LIPA: variants seen among roughly 807,000 people sequenced by gnomAD.
LIPA encodes lysosomal acid lipase/cholesteryl ester hydrolase.
Under a neutral mutation model 40.6 loss-of-function variants are expected in LIPA, and 26 were observed. That is an observed-to-expected ratio of 0.64 (90% CI 0.47 to 0.89). LIPA has a LOEUF of 0.89. Ranked by LOEUF, LIPA falls within the 40% of genes least tolerant of loss-of-function variation. LIPA has a pLI of 0.00. For missense variants in LIPA, 455 were observed against 479.6 expected, an observed-to-expected ratio of 0.95 and a Z score of 0.48; for synonymous variants, 188 against 168.4, an observed-to-expected ratio of 1.12 and a Z score of -0.90.
chr10:89,393,302 A>G, intron 2 of LIPA: 1 of 1,288,776 alleles, frequency 7.8e-7, no homozygotes, highest in Non-Finnish European at 1.0e-6. Flanking sequence ...TGAGCTTAAG[A>G]TAAACAGATT....
At chr10:89,242,582 T>G (rs1271795670) in intron 3 of LIPA, among the ~76,000 whole-genome samples, 3 of 152,204 alleles carry the variant, frequency 2.0e-5, no homozygotes, top group Non-Finnish European at 4.4e-5. Context: ...CAAGTGAGGC[T>G]ACACAGTCAG....
At chr10:89,285,815 C>G (rs1379626086) in intron 1 of LIPA, among the ~76,000 whole-genome samples, 3 of 151,878 alleles carry the variant, frequency 2.0e-5, no homozygotes, top group African/African-American at 7.3e-5. Context: ...AAACACCCCA[C>G]CCCTTCCCCA....
intron 8 of LIPA, among the ~76,000 whole-genome samples, chr10:89,220,492 CA>C (rs1250057261): frequency 3.9e-5 from 6 of 152,080 alleles, no homozygotes; most frequent in African/African-American, 1.4e-4. Context: ...AGACCTGAAC[CA>C]AGAACGAAAA....
intron 2 of LIPA, among the ~76,000 whole-genome samples, chr10:89,388,957 A>G (rs575442375): frequency 6.6e-6 from 1 of 152,320 alleles, no homozygotes. Flanking sequence ...TGCAACGAAG[A>G]ATTTCTGGAG....
chr10:89,392,983 A>G, intron 2 of LIPA: 1 of 700,198 alleles, frequency 1.4e-6, no homozygotes, highest in Non-Finnish European at 2.2e-6. Flanking sequence ...GAAATGGGAA[A>G]AGAGTTTTGC....
intron 3 of LIPA, among the ~76,000 whole-genome samples, chr10:89,230,388 C>T (rs1202606771): frequency 6.6e-6 from 1 of 152,148 alleles, no homozygotes; most frequent in South Asian, 2.1e-4. Context: ...CTCACAGCAA[C>T]CTCCACCTTC....
At chr10:89,227,337 T>C (rs1377988094) in intron 4 of LIPA, among the ~76,000 whole-genome samples, 5 of 152,260 alleles carry the variant, frequency 3.3e-5, no homozygotes, top group Non-Finnish European at 7.3e-5. Flanking sequence ...TGTTCATTCT[T>C]ATTCTACTAT....
intron 1 of LIPA, among the ~76,000 whole-genome samples, chr10:89,324,549 T>C (rs1203951285): frequency 7.2e-5 from 11 of 152,078 alleles, no homozygotes; most frequent in Non-Finnish European, 1.5e-4. Context: ...GAGCTTCTGA[T>C]AGCAAAAGAA....
At chr10:89,222,873 A>G (rs2133425512) in intron 7 of LIPA, among the ~76,000 whole-genome samples, 1 of 152,290 alleles carries the variant, frequency 6.6e-6, no homozygotes, top group South Asian at 2.1e-4. Flanking sequence ...GAATTTCCCA[A>G]ATTTCATATA....
At chr10:89,352,191 G>T (rs756717889) in intron 2 of LIPA, among the ~76,000 whole-genome samples, 2 of 152,068 alleles carry the variant, frequency 1.3e-5, no homozygotes, top group African/African-American at 2.4e-5. Context: ...CTCCCTCTTT[G>T]CAGTTTCAAT....
intron 2 of LIPA, among the ~76,000 whole-genome samples, chr10:89,365,456 T>C (rs1038967029): frequency 2.6e-5 from 4 of 152,198 alleles, no homozygotes; most frequent in Non-Finnish European, 4.4e-5. Flanking sequence ...TTAGTTTAAT[T>C]AGATCCCATT....
chr10:89,222,888 T>C (rs775508539), intron 7 of LIPA, among the ~76,000 whole-genome samples: 40 of 152,164 alleles, frequency 2.6e-4, no homozygotes, highest in Non-Finnish European at 4.4e-4. Flanking sequence ...CATATAACAA[T>C]CACACCTTGC....
chr10:89,304,925 G>A (rs931456857), intron 1 of LIPA, among the ~76,000 whole-genome samples: 4 of 151,960 alleles, frequency 2.6e-5, no homozygotes, highest in Non-Finnish European at 5.9e-5. Context: ...GGCCTTGTGA[G>A]CCTTCCCTGT....
At chr10:89,368,896 C>T (rs974797254) in intron 2 of LIPA, among the ~76,000 whole-genome samples, 2 of 144,248 alleles carry the variant, frequency 1.4e-5, no homozygotes, top group Non-Finnish European at 3.0e-5. Context: ...CACACACAAA[C>T]TCACACACTC....
chr10:89,221,668 C>T (rs1187527390), intron 8 of LIPA, among the ~76,000 whole-genome samples: 2 of 152,082 alleles, frequency 1.3e-5, no homozygotes, highest in Non-Finnish European at 2.9e-5. Context: ...AAATAAATGG[C>T]ACAAAATTAT....
chr10:89,250,696 G>A (rs1167519901), intron 1 of LIPA, among the ~76,000 whole-genome samples: 1 of 152,168 alleles, frequency 6.6e-6, no homozygotes, highest in Non-Finnish European at 1.5e-5. Context: ...CCCAGAGGAA[G>A]GTCCATGAGA....
chr10:89,228,504 C>T, intron 3 of LIPA, 106 bp from the exon 4 acceptor site: 2 of 968,574 alleles, frequency 2.1e-6, no homozygotes, highest in Admixed American at 3.7e-5. Context: ...AAATAATGAA[C>T]TAGAAATAAA....
At chr10:89,292,162 T>A (rs984441220) in intron 1 of LIPA, 3 of 152,216 alleles carry the variant, frequency 2.0e-5, no homozygotes, top group Admixed American at 6.5e-5. Flanking sequence ...AGCGGCTAGG[T>A]GTATACTAAT....
At chr10:89,319,596 T>C (rs1843560183) in intron 1 of LIPA, among the ~76,000 whole-genome samples, 1 of 152,088 alleles carries the variant, frequency 6.6e-6, no homozygotes, top group African/African-American at 2.4e-5. Flanking sequence ...AAAAAGTCCA[T>C]GACCAGATGG....
Sources: gnomAD v4.1 joint callset for allele counts (sites outside exome capture counted in the v4.1 genomes callset) on GRCh38, gnomAD v4.1.1 for gene constraint, MANE v1.5 for transcripts, NCBI Gene and HGNC (gene_info 2026-07-23, HGNC 2026-07-21) for gene names.